Variants in MACROD2 observed in about 807,000 individuals in gnomAD.
MACROD2 encodes the protein mono-ADP ribosylhydrolase 2, also known as ADP-ribose glycohydrolase MACROD2.
In MACROD2, 36 loss-of-function variants were observed where a neutral mutation model predicts 70.4. The observed-to-expected ratio is 0.51, with a 90% CI of 0.39 to 0.68. MACROD2 has a LOEUF of 0.68. Ranked by LOEUF, MACROD2 falls within the 30% of genes least tolerant of loss-of-function variation. The pLI is 0.00. For synonymous variants in MACROD2, 172 were observed against 178.8 expected (o/e 0.96, Z 0.30); for missense variants, 496 against 538.4 (o/e 0.92, Z 0.78).
intron 9 of MACROD2, among the ~76,000 whole-genome samples, chr20:15,875,521 C>T (rs748135311): frequency 1.3e-5 from 2 of 151,888 alleles, no homozygotes; most frequent in Non-Finnish European, 2.9e-5. Flanking sequence ...AGGTGCTAAC[C>T]ATTTCCACTT....
intron 5 of MACROD2, among the ~76,000 whole-genome samples, chr20:14,692,354 G>T (rs1169217531): frequency 2.0e-5 from 3 of 152,178 alleles, no homozygotes; most frequent in Non-Finnish European, 4.4e-5. Context: ...TTTTTGAAGA[G>T]AACTCTGACA....
At position 14,588,568 on chromosome 20, in the gene MACROD2, G is replaced by A. The variant is rs566586185; in HGVS notation, c.301+95060G>A. On this transcript the variant is annotated intron_variant, in intron 4 of 17. Transcript: ENST00000684519. ...TCTGATGTGGCTGGAGTGCAGTGGC[G>A]TGCGATCTCAGCTCACTGCAACTTC... Among the ~76,000 whole-genome samples the A allele has an allele frequency of 4.6e-5, 7 of 152,062 alleles. No individual in the cohort carries two copies. The South Asian group carries it at 1.0e-3, about 23-fold the overall frequency.
intron 8 of MACROD2, among the ~76,000 whole-genome samples, chr20:15,812,475 C>T (rs1416608328): frequency 6.6e-6 from 1 of 151,924 alleles, no homozygotes; most frequent in East Asian, 1.9e-4. Flanking sequence ...TAAAGAAGGC[C>T]CGGAAGGGAG....
rs542224785 is a variant in MACROD2, at chr20:14,274,447, C to A, written c.271+188719C>A. 1.8e-4 allele frequency among the ~76,000 whole-genome samples: 27 copies of A among 152,180 alleles called. No individual in the cohort carries two copies. In the South Asian group the frequency reaches 1.9e-3, roughly 11 times the overall value. ...AAGGCCTTTGACAAAATTCAACAAC[C>A]CTTCATGCTAAAAACTCTCAATAAA... On this transcript the variant is annotated intron_variant, in intron 3 of 17. Coordinates refer to ENST00000684519, the MANE Select transcript of MACROD2 (RefSeq NM_001351661.2).
At chr20:15,725,564 A>G (rs1371624429) in intron 8 of MACROD2, among the ~76,000 whole-genome samples, 1 of 152,076 alleles carries the variant, frequency 6.6e-6, no homozygotes, top group Non-Finnish European at 1.5e-5. Context: ...ACCTGTATAC[A>G]TTTTATTTAC....
chr20:15,167,518 A>C (rs1601167846), intron 5 of MACROD2, among the ~76,000 whole-genome samples: 1 of 152,122 alleles, frequency 6.6e-6, no homozygotes, highest in East Asian at 1.9e-4. Flanking sequence ...AGAGGTTTAC[A>C]TTTGTCTTTA....
At chr20:15,341,986 T>G (rs1464061011) in intron 6 of MACROD2, among the ~76,000 whole-genome samples, 1 of 152,066 alleles carries the variant, frequency 6.6e-6, no homozygotes, top group East Asian at 1.9e-4. Context: ...CCTAGGAGTT[T>G]GAGGCTGCAG....
At chr20:15,403,870 T>C (rs144018758) in intron 6 of MACROD2, among the ~76,000 whole-genome samples, 299 of 152,292 alleles carry the variant, frequency 2.0e-3, no homozygotes, top group Middle Eastern at 6.8e-3. Context: ...TCAACCGTTA[T>C]GGGAGAAAAT....
intron 8 of MACROD2, among the ~76,000 whole-genome samples, chr20:15,543,463 A>G (rs954230007): frequency 1.3e-5 from 2 of 152,236 alleles, no homozygotes; most frequent in African/African-American, 4.8e-5. Context: ...ACAACCATTG[A>G]AAGCTTGGAG....
chr20:14,592,777 TA>T (rs1568688009), intron 4 of MACROD2, among the ~76,000 whole-genome samples: 1 of 152,184 alleles, frequency 6.6e-6, no homozygotes, highest in African/African-American at 2.4e-5. Context: ...GTAAGCAATA[TA>T]AAAGAAAATA....
chr20:14,135,535 A>C (rs942743028), intron 3 of MACROD2, among the ~76,000 whole-genome samples: 1 of 152,000 alleles, frequency 6.6e-6, no homozygotes, highest in African/African-American at 2.4e-5. Context: ...TTAGCTGGGC[A>C]TGGTGGAACA....
At chr20:14,144,984 G>A (rs2054926972) in intron 3 of MACROD2, among the ~76,000 whole-genome samples, 1 of 152,134 alleles carries the variant, frequency 6.6e-6, no homozygotes, top group Non-Finnish European at 1.5e-5. Context: ...AGATAATCAT[G>A]GTTTTGTCCA....
At position 14,199,747 on chromosome 20, in the gene MACROD2, T is replaced by G. The variant is rs549971992; in HGVS notation, c.271+114019T>G. Among the ~76,000 whole-genome samples, 456 of 152,288 alleles carry G rather than the reference T, an allele frequency of 3.0e-3. 2 individuals carry two copies. Among genetic ancestry groups the G allele is most frequent in the African/African-American group, 0.01 (430 of 41,584 alleles). ...CAGTAATAATTATGTACCAGGCTAA[T>G]TATTTTACATATATTAATTATTTTA... On this transcript the variant is annotated intron_variant, in intron 3 of 17. Transcript: ENST00000684519.
chr20:16,002,456 A>C (rs1190414844), intron 15 of MACROD2, among the ~76,000 whole-genome samples: 2 of 152,184 alleles, frequency 1.3e-5, no homozygotes, highest in African/African-American at 4.8e-5. Context: ...TCACAAGTAT[A>C]TCTATAAGCA....
At chr20:14,745,420 G>A (rs560428551) in intron 5 of MACROD2, among the ~76,000 whole-genome samples, 9 of 152,126 alleles carry the variant, frequency 5.9e-5, no homozygotes, top group Admixed American at 6.5e-5. Context: ...ATGGCTGATG[G>A]GTGTCCTGCA....
At chr20:15,531,877 T>C (rs1261418149) in intron 8 of MACROD2, among the ~76,000 whole-genome samples, 3 of 152,154 alleles carry the variant, frequency 2.0e-5, no homozygotes, top group Non-Finnish European at 4.4e-5. Context: ...GGGAAGTCTG[T>C]TGTCTTTGTG....
At chr20:14,127,853 C>A in intron 3 of MACROD2, 1 of 482,304 alleles carries the variant, frequency 2.1e-6, no homozygotes, top group South Asian at 1.7e-5. Context: ...GAAGCACCAA[C>A]TCTAAGCCAA....
At chr20:14,273,257 C>A (rs2082214692) in intron 3 of MACROD2, among the ~76,000 whole-genome samples, 1 of 152,256 alleles carries the variant, frequency 6.6e-6, no homozygotes, top group African/African-American at 2.4e-5. Context: ...AAGCTCTCCT[C>A]AGCAAATTTA....
At chr20:14,416,079 C>T (rs920084288) in intron 3 of MACROD2, among the ~76,000 whole-genome samples, 1 of 151,904 alleles carries the variant, frequency 6.6e-6, no homozygotes, top group Non-Finnish European at 1.5e-5. Flanking sequence ...CTGCCTCAGC[C>T]TCCTGAGTAG....
Sources: allele counts gnomAD v4.1 joint callset (sites outside exome capture counted in the v4.1 genomes callset), GRCh38; gene constraint gnomAD v4.1.1; transcripts MANE v1.5; gene names NCBI Gene and HGNC (gene_info 2026-07-23, HGNC 2026-07-21).